VPS13B: variants seen among roughly 807,000 people sequenced by gnomAD.
The protein encoded by VPS13B is intermembrane lipid transfer protein VPS13B.
In VPS13B, 285 loss-of-function variants were observed where a neutral mutation model predicts 426.4. That is an observed-to-expected ratio of 0.67 (90% CI 0.61 to 0.74). VPS13B has a LOEUF of 0.74. Among genes scored for constraint, VPS13B ranks in the 30% least tolerant of loss-of-function variants. VPS13B has a pLI of 0.00. For synonymous variants in VPS13B, 1,676 were observed against 1,676.4 expected (o/e 1.00, Z 0.01); for missense variants, 4,537 against 4,782.6 (o/e 0.95, Z 1.51).
chr8:99,174,273 T>C (rs1438741873), intron 16 of VPS13B, among the ~76,000 whole-genome samples: 1 of 152,244 alleles, frequency 6.6e-6, no homozygotes, highest in Non-Finnish European at 1.5e-5. Context: ...TGAATGATGC[T>C]GCTGTGAACA....
intron 24 of VPS13B, among the ~76,000 whole-genome samples, chr8:99,474,759 T>A (rs1358832354): frequency 6.6e-6 from 1 of 152,146 alleles, no homozygotes; most frequent in South Asian, 2.1e-4. Flanking sequence ...GTAAAAATGA[T>A]GTAACAACAT....
At chr8:99,762,709 G>A (rs1015924131) in intron 39 of VPS13B, among the ~76,000 whole-genome samples, 1 of 152,114 alleles carries the variant, frequency 6.6e-6, no homozygotes, top group Non-Finnish European at 1.5e-5. Context: ...GGTAAATAAT[G>A]GCTAACATTT....
intron 33 of VPS13B, among the ~76,000 whole-genome samples, chr8:99,633,836 T>TGTGTGTGTGTGTGTGTGTGTGTGC (rs1432874227): frequency 1.9e-4 from 28 of 151,330 alleles, no homozygotes; most frequent in African/African-American, 6.6e-4. Context: ...TGTGTGTGTG[T>TGTGTGTGTGTGTGTGTGTGTGTGC]GTGCGTGTTT....
intron 19 of VPS13B, among the ~76,000 whole-genome samples, chr8:99,350,283 C>T (rs1227254945): frequency 3.3e-5 from 5 of 152,074 alleles, no homozygotes; most frequent in Non-Finnish European, 5.9e-5. Context: ...ACTTGTGTTC[C>T]GTGTAAGGTT....
intron 33 of VPS13B, among the ~76,000 whole-genome samples, chr8:99,613,255 T>G (rs528343721): frequency 6.6e-6 from 1 of 152,380 alleles, no homozygotes; most frequent in Admixed American, 6.5e-5. Context: ...GCATAAATAC[T>G]CTGCCTTATG....
At chr8:99,797,347 C>T (rs1296775948) in intron 43 of VPS13B, among the ~76,000 whole-genome samples, 1 of 152,062 alleles carries the variant, frequency 6.6e-6, no homozygotes, top group Non-Finnish European at 1.5e-5. Context: ...TCAAGCGATC[C>T]TCCTACCTCT....
chr8:99,822,411 A>G (rs1337989778), intron 50 of VPS13B, among the ~76,000 whole-genome samples: 1 of 152,222 alleles, frequency 6.6e-6, no homozygotes, highest in African/African-American at 2.4e-5. Context: ...TGGGCAACAC[A>G]TGTTTATGCT....
chr8:99,741,381 T>C (rs1451927661), intron 39 of VPS13B, among the ~76,000 whole-genome samples: 1 of 152,134 alleles, frequency 6.6e-6, no homozygotes, highest in African/African-American at 2.4e-5. Flanking sequence ...AATGGGAGAC[T>C]TTAACACCCC....
At chr8:99,045,539 A>G (rs1352769613) in intron 3 of VPS13B, among the ~76,000 whole-genome samples, 1 of 152,162 alleles carries the variant, frequency 6.6e-6, no homozygotes, top group African/African-American at 2.4e-5. Flanking sequence ...TTTGCCGTGC[A>G]AAAGCTCTTT....
chr8:99,759,107 AC>A (rs1810787971), intron 39 of VPS13B, among the ~76,000 whole-genome samples: 2 of 151,878 alleles, frequency 1.3e-5, no homozygotes, highest in African/African-American at 4.8e-5. Flanking sequence ...ACAAGTCCTT[AC>A]CCCATGGCTG....
chr8:99,354,958 A>G (rs1472815784), intron 19 of VPS13B, among the ~76,000 whole-genome samples: 1 of 152,204 alleles, frequency 6.6e-6, no homozygotes, highest in Admixed American at 6.5e-5. Context: ...CAGACAAACA[A>G]AAAACCTAGT....
At chr8:99,578,922 G>A (rs964038184) in intron 33 of VPS13B, among the ~76,000 whole-genome samples, 1 of 152,138 alleles carries the variant, frequency 6.6e-6, no homozygotes, top group African/African-American at 2.4e-5. Context: ...AGGGATACTC[G>A]GAGTTACTAA....
At chr8:99,696,797 G>A (rs1329148495) in intron 35 of VPS13B, 3 of 1,411,836 alleles carry the variant, frequency 2.1e-6, no homozygotes, top group Non-Finnish European at 3.0e-6. Flanking sequence ...ATTTGAGAAT[G>A]AGCTGACCCT....
intron 35 of VPS13B, among the ~76,000 whole-genome samples, chr8:99,690,556 A>G (rs1831611729): frequency 6.6e-6 from 1 of 152,200 alleles, no homozygotes; most frequent in South Asian, 2.1e-4. Flanking sequence ...TGCAAAGTAT[A>G]TATCTGATAT....
At chr8:99,713,374 C>A (rs903373235) in intron 36 of VPS13B, among the ~76,000 whole-genome samples, 10 of 151,764 alleles carry the variant, frequency 6.6e-5, no homozygotes, top group African/African-American at 2.4e-4. Context: ...TTTCTTAGTT[C>A]TTTTGCTTTA....
rs796437223 is a variant in VPS13B, at chr8:99,615,765, G to A, written c.5221-26046G>A. Among the ~76,000 whole-genome samples, 37 of 152,222 alleles carry A rather than the reference G, an allele frequency of 2.4e-4. 1 individual carries two copies. The highest frequency in any genetic ancestry group is 3.4e-3 in the Middle Eastern group (1 of 294). On this transcript the variant is annotated intron_variant, in intron 33 of 61. Coordinates refer to ENST00000357162, the MANE Select transcript of VPS13B (RefSeq NM_152564.5). ...TGGGCCTGTTTCCTGCTGGCAAGGG[G>A]AGTTGTGACGTGTGAATGTTAAAGC...
At chr8:99,052,563 G>A (rs201686361) in intron 3 of VPS13B, among the ~76,000 whole-genome samples, 1 of 138,402 alleles carries the variant, frequency 7.2e-6, no homozygotes, top group Admixed American at 7.3e-5. Context: ...GTTAGGGAGG[G>A]TTCCCTCTTT....
chr8:99,202,914 G>T (rs1236174726), intron 17 of VPS13B, among the ~76,000 whole-genome samples: 1 of 152,016 alleles, frequency 6.6e-6, no homozygotes, highest in South Asian at 2.1e-4. Flanking sequence ...GGCACCTGTA[G>T]TCCCAGTTAC....
intron 19 of VPS13B, among the ~76,000 whole-genome samples, chr8:99,284,883 A>G (rs528464893): frequency 2.1e-4 from 32 of 152,306 alleles, no homozygotes; most frequent in Admixed American, 1.1e-3. Flanking sequence ...GTCACCTATA[A>G]AATGGAGATA....
Sources: allele counts gnomAD v4.1 joint callset (sites outside exome capture counted in the v4.1 genomes callset), GRCh38; gene constraint gnomAD v4.1.1; transcripts MANE v1.5; gene names NCBI Gene and HGNC (gene_info 2026-07-23, HGNC 2026-07-21).